Variants in PTPRB observed in about 807,000 individuals in gnomAD.
PTPRB encodes receptor-type tyrosine-protein phosphatase beta.
PTPRB carries 97 observed loss-of-function variants against 238.1 expected under a neutral mutation model. The ratio of observed to expected loss-of-function variants is 0.41; its 90% CI spans 0.35 to 0.48. PTPRB has a LOEUF of 0.48. Ranked by LOEUF, PTPRB falls within the 20% of genes least tolerant of loss-of-function variation. The probability of loss-of-function intolerance (pLI) is 0.30; values close to 1 mark genes in which losing one functional copy is unlikely to be tolerated. For missense variants in PTPRB, 2,292 were observed against 2,681.9 expected (o/e 0.85, Z 3.21); for synonymous variants, 970 against 995.4 (o/e 0.97, Z 0.48).
At chr12:70,627,221 G>A (rs1430409928) in intron 2 of PTPRB, among the ~76,000 whole-genome samples, 1 of 152,144 alleles carries the variant, frequency 6.6e-6, no homozygotes, top group African/African-American at 2.4e-5. Context: ...CTGGGTGGAG[G>A]AGGAAGAATG....
intron 10 of PTPRB, among the ~76,000 whole-genome samples, chr12:70,577,066 G>A (rs1880865782): frequency 6.6e-6 from 1 of 152,172 alleles, no homozygotes; most frequent in African/African-American, 2.4e-5. Flanking sequence ...AAATGTTTGA[G>A]TGGAAAGGGG....
chr12:70,539,790 G>A lies in PTPRB; in HGVS notation c.5696+37C>T, dbSNP rs1874759033. On this transcript the variant is annotated intron_variant, in intron 25 of 33. Coordinates refer to ENST00000334414, the MANE Select transcript of PTPRB (RefSeq NM_001109754.4). ...AACTATTCTGACTCATATTTCAAAG[G>A]CAGATAATATAGTAATTAATGTGTT... is the stretch of plus-strand genomic sequence containing the variant. The A allele has an allele frequency of 3.8e-6, 6 of 1,598,482 alleles. No homozygotes were observed. In the African/African-American group the frequency reaches 6.7e-5, roughly 18 times the overall value.
intron 33 of PTPRB, among the ~76,000 whole-genome samples, chr12:70,523,229 A>T (rs960414352): frequency 1.3e-5 from 2 of 151,884 alleles, no homozygotes; most frequent in Non-Finnish European, 2.9e-5. Flanking sequence ...ATTACAGCTC[A>T]CTGTAGCCTT....
rs1397812989 is a variant in PTPRB at position 70,590,846 on chromosome 12, C to T, written c.1781-613G>A. Among the ~76,000 whole-genome samples the T allele has an allele frequency of 2.0e-5, 3 of 151,778 alleles. No homozygotes were observed. The East Asian group carries it at 5.8e-4, about 29-fold the overall frequency. On this transcript the variant is annotated intron_variant, in intron 7 of 33. Transcript: ENST00000334414. ...CCTCTGGGCCTTTGCTTATTTTGTC[C>T]CCTCCACCCCAAAAGCTCTTCCCTC... is the stretch of plus-strand genomic sequence containing the variant.
intron 3 of PTPRB, among the ~76,000 whole-genome samples, chr12:70,615,144 A>G (rs1315074695): frequency 6.6e-6 from 1 of 152,254 alleles, no homozygotes; most frequent in Non-Finnish European, 1.5e-5. Context: ...TATGAATAAC[A>G]TTAAAATAAA....
chr12:70,632,426 C>T (rs1477310761), intron 2 of PTPRB, among the ~76,000 whole-genome samples: 2 of 149,012 alleles, frequency 1.3e-5, no homozygotes, highest in African/African-American at 2.5e-5. Context: ...TGGGTCCTGT[C>T]GGGGGGTGGG....
intron 19 of PTPRB, 148 bp downstream of exon 19, chr12:70,555,722 G>T: frequency 9.8e-7 from 1 of 1,016,488 alleles, no homozygotes; most frequent in Non-Finnish European, 1.4e-6. Context: ...AGACTTTTAG[G>T]TCCTCCTCTC....
At chr12:70,534,425 C>G (rs2136231746) in intron 31 of PTPRB, 63 bp downstream of exon 31, 1 of 1,540,646 alleles carries the variant, frequency 6.5e-7, no homozygotes, top group Non-Finnish European at 8.8e-7. Context: ...ATGTATTTTT[C>G]CAGACTCCCA....
chr12:70,573,500 CTTTTCTTTTTTTT>C (rs1159600111), intron 11 of PTPRB, among the ~76,000 whole-genome samples: 2 of 121,976 alleles, frequency 1.6e-5, no homozygotes, highest in Non-Finnish European at 3.4e-5. Flanking sequence ...TTTTTCTTTT[CTTTTCTTTTTTTT>C]TTTTTTTTTT....
chr12:70,536,774 T>C (rs1272127587), intron 28 of PTPRB, among the ~76,000 whole-genome samples: 1 of 152,206 alleles, frequency 6.6e-6, no homozygotes, highest in Admixed American at 6.5e-5. Context: ...CCACATTATG[T>C]CACCTCTGCC....
In PTPRB at chr12:70,559,332, A is replaced by G; in HGVS notation, c.4714+11T>C. On this transcript the variant is annotated intron_variant, in intron 18 of 33. Transcript: ENST00000334414. ...CCATTTGAGAAATAAGAGTAGCAAA[A>G]CATGTCATACTTGTCCTCACAGATC... is the stretch of plus-strand genomic sequence containing the variant. 1 of 1,601,152 alleles carries G rather than the reference A, an allele frequency of 6.2e-7. No homozygotes were observed. The highest frequency in any genetic ancestry group is 1.1e-5 in the South Asian group (1 of 90,802).
At chr12:70,530,688 G>A (rs1417088333) in intron 32 of PTPRB, among the ~76,000 whole-genome samples, 1 of 152,090 alleles carries the variant, frequency 6.6e-6, no homozygotes, top group Non-Finnish European at 1.5e-5. Context: ...GTAGAAGCAG[G>A]GGTTTGGGTA....
chr12:70,520,171 G>A lies in PTPRB; in HGVS notation c.*1318C>T, dbSNP rs552743354. On this transcript the variant is annotated 3_prime_UTR_variant, in exon 34 of 34. Transcript: ENST00000334414. ...CTTCTCAGGTATCTATGAAGATTCC[G>A]TACAAACTCCTTTCAAATTTTTCCC... 3.6e-4 allele frequency: 170 copies of A among 469,578 alleles called. 1 individual carries two copies. Among genetic ancestry groups the A allele is most frequent in the African/African-American group, 2.0e-4 (10 of 51,124 alleles). 29.1% of individuals were successfully genotyped at this position (469,578 alleles called of 1,614,324 possible). A position where few individuals can be genotyped will look rare whatever the true frequency, so the allele number is the denominator to read the frequency against.
intron 10 of PTPRB, among the ~76,000 whole-genome samples, chr12:70,577,369 C>T (rs1028625935): frequency 3.9e-5 from 6 of 152,112 alleles, no homozygotes; most frequent in Non-Finnish European, 2.9e-5. Flanking sequence ...GTGTCACAAA[C>T]GTTTACTGAG....
chr12:70,635,585 AAAACAAACAAAC>A (rs143061370), intron 2 of PTPRB, 74 bp downstream of exon 2: 3 of 1,433,006 alleles, frequency 2.1e-6, no homozygotes, highest in African/African-American at 2.9e-5. Context: ...CCTTAAATGT[AAAACAAACAAAC>A]AAACAAACAA....
At chr12:70,608,324 T>G (rs1010949310) in intron 4 of PTPRB, among the ~76,000 whole-genome samples, 1 of 152,220 alleles carries the variant, frequency 6.6e-6, no homozygotes, top group Admixed American at 6.5e-5. Context: ...AATGAGGTAA[T>G]GTACATGACA....
At chr12:70,594,947 T>TC (rs1368140889) in intron 5 of PTPRB, among the ~76,000 whole-genome samples, 1 of 152,062 alleles carries the variant, frequency 6.6e-6, no homozygotes, top group Non-Finnish European at 1.5e-5. Flanking sequence ...CTTGTCTGCC[T>TC]CCCCCACTTA....
rs376569148 is a variant in PTPRB at position 70,555,602 on chromosome 12, T to C, written c.4993+268A>G. ...TTAAGAGCTCCATTATAGCTCTAAC[T>C]ATATGAGGCAAAGTGATATATTTAA... On this transcript the variant is annotated intron_variant, in intron 19 of 33. Coordinates refer to ENST00000334414, the MANE Select transcript of PTPRB (RefSeq NM_001109754.4). Among the ~76,000 whole-genome samples the C allele has an allele frequency of 2.6e-5, 4 of 152,328 alleles. No homozygotes were observed. The South Asian group carries it at 6.2e-4, about 24-fold the overall frequency.
chr12:70,530,874 C>T (rs1214841071), intron 32 of PTPRB, among the ~76,000 whole-genome samples: 1 of 151,786 alleles, frequency 6.6e-6, no homozygotes, highest in Non-Finnish European at 1.5e-5. Context: ...GCCACTGTAC[C>T]CAGCCATGTT....
Sources: allele counts gnomAD v4.1 joint callset (sites outside exome capture counted in the v4.1 genomes callset), GRCh38; gene constraint gnomAD v4.1.1; transcripts MANE v1.5; gene names NCBI Gene and HGNC (gene_info 2026-07-23, HGNC 2026-07-21).